Variants in PLXND1 observed in about 807,000 individuals in gnomAD.
The protein encoded by PLXND1 is plexin-D1.
A neutral mutation model predicts 197.7 loss-of-function variants in PLXND1; 54 were observed. The ratio of observed to expected loss-of-function variants is 0.27; its 90% CI spans 0.22 to 0.34. The LOEUF (loss-of-function observed/expected upper bound fraction) is 0.34, where lower values mean the gene tolerates loss of function less well. Ranked by LOEUF, PLXND1 falls within the 10% of genes least tolerant of loss-of-function variation. PLXND1 has a pLI of 1.00. For synonymous variants in PLXND1, 1,180 were observed against 1,161.2 expected (o/e 1.02, Z -0.33); for missense variants, 2,127 against 2,699.2 (o/e 0.79, Z 4.70).
intron 1 of PLXND1, among the ~76,000 whole-genome samples, 153 bp from the exon 2 acceptor site, chr3:129,589,680 A>G (rs1463256245): frequency 1.3e-5 from 2 of 151,988 alleles, no homozygotes; most frequent in African/African-American, 4.8e-5. Flanking sequence ...CCAAACACAA[A>G]CGGGACCCCA....
intron 1 of PLXND1, among the ~76,000 whole-genome samples, chr3:129,589,909 A>G (rs1042524404): frequency 3.3e-5 from 5 of 152,182 alleles, no homozygotes; most frequent in African/African-American, 1.2e-4. Flanking sequence ...AGTCCACACC[A>G]GATGACCGGA....
intron 1 of PLXND1, among the ~76,000 whole-genome samples, chr3:129,603,679 G>A (rs183261597): frequency 4.6e-5 from 7 of 152,288 alleles, no homozygotes; most frequent in African/African-American, 1.2e-4. Flanking sequence ...GTGGGCAGTC[G>A]TGGGAGACCG....
At chr3:129,595,518 A>G (rs539594017) in intron 1 of PLXND1, among the ~76,000 whole-genome samples, 2 of 152,346 alleles carry the variant, frequency 1.3e-5, no homozygotes, top group Admixed American at 1.3e-4. Flanking sequence ...GCCTGGCCTT[A>G]GCCACAGAGG....
At chr3:129,568,543 GTTTCT>G (rs1187160228) in intron 20 of PLXND1, among the ~76,000 whole-genome samples, 1 of 151,974 alleles carries the variant, frequency 6.6e-6, no homozygotes, top group African/African-American at 2.4e-5. Context: ...TACTTCAATG[GTTTCT>G]TTTCTTTCTT....
Position 129,578,368 on chromosome 3 carries a change from C to A in PLXND1, c.2307G>T (p.Gln769His). 1 of 1,607,614 alleles carries A rather than the reference C, an allele frequency of 6.2e-7. No homozygotes were observed. Among genetic ancestry groups the A allele is most frequent in the Non-Finnish European group, 8.5e-7 (1 of 1,177,686 alleles). Residue 769 changes from glutamine to histidine, a missense_variant, in exon 9 of 36, where the codon CAG (glutamine) becomes CAT (histidine). Physicochemically the swap from Gln to His is conservative, Grantham distance 24. Coordinates refer to ENST00000324093, the MANE Select transcript of PLXND1 (RefSeq NM_015103.3). Reference sequence around the variant, plus strand: ...TGTTGGCCAGAGGCACCAGGATGTTCTGGGAGCCACCCGTAGGCACGGGTG... The same window carrying A: ...TGTTGGCCAGAGGCACCAGGATGTTATGGGAGCCACCCGTAGGCACGGGTG... ...PLAPVPTGGS[Q>H]NILVPLANTA...
chr3:129,565,905 T>C lies in PLXND1; in HGVS notation c.4304A>G (p.Asp1435Gly), dbSNP rs2085132948. 6.2e-7 allele frequency: 1 copy of C among 1,614,130 alleles called. No individual in the cohort carries two copies. Among genetic ancestry groups the C allele is most frequent in the Non-Finnish European group, 8.5e-7 (1 of 1,180,010 alleles). The change falls in exon 24 of 36, where the codon GAC (aspartate) becomes GGC (glycine). Residue 1435 changes from aspartate (D) to glycine (G), a missense_variant. Transcript: ENST00000324093. ...GCCTGACCTGTCGCGCACCGCAAAG[T>C]CCTTCTGCTGCTCCAGCGCGTGGAC... ...VFVHALEQQK[D>G]FAVRDRCSLA...
Position 129,583,650 on chromosome 3 carries a change from C to T in PLXND1, c.2158G>A (p.Ala720Thr). 1 of 1,613,024 alleles carries T rather than the reference C, an allele frequency of 6.2e-7. No homozygotes were observed. Among genetic ancestry groups the T allele is most frequent in the Middle Eastern group, 1.7e-4 (1 of 5,940 alleles). Residue 720 changes from alanine (A) to threonine (T), a missense_variant, in exon 8 of 36, where the codon GCA becomes ACA. Coordinates refer to ENST00000324093, the MANE Select transcript of PLXND1 (RefSeq NM_015103.3). ...PHTACTSCLS[A>T]QWPCFWCSQQ... Reference sequence around the variant, plus strand: ...CTGCACCAGAAACAGGGCCACTGTGCCGACAGGCAGCTGGTACAGCTGGAA... The same window carrying T: ...CTGCACCAGAAACAGGGCCACTGTGTCGACAGGCAGCTGGTACAGCTGGAA...
intron 24 of PLXND1, 149 bp downstream of exon 24, chr3:129,565,738 G>A (rs557427466): frequency 7.5e-6 from 7 of 933,304 alleles, no homozygotes; most frequent in South Asian, 3.3e-5. Flanking sequence ...ATCGTGCCCC[G>A]TGAGCCAAGG....
chr3:129,571,800 A>G lies in PLXND1; in HGVS notation c.3122T>C (p.Leu1041Pro), dbSNP rs1249513462. The change falls in exon 16 of 36, where the codon CTG (leucine) becomes CCG (proline). Residue 1041 changes from leucine (L) to proline (P), a missense_variant. Leu to Pro is a moderately conservative substitution (Grantham distance 98, BLOSUM62 -3). Coordinates refer to ENST00000324093, the MANE Select transcript of PLXND1 (RefSeq NM_015103.3). The stretch of plus-strand genomic sequence containing the variant: ...CACACACACAGGCACCGGAGCCGGC[A>G]GGGCCCCCTCAGGCATGGTGCAGGC... ...SIACTMPEGALPAPVPVCVRF... is the reference protein window; with the variant it reads ...SIACTMPEGAPPAPVPVCVRF... The G allele has an allele frequency of 4.3e-6, 7 of 1,613,176 alleles. No individual in the cohort carries two copies. Among genetic ancestry groups the G allele is most frequent in the Non-Finnish European group, 5.9e-6 (7 of 1,179,860 alleles).
At position 129,556,255 on chromosome 3, in the gene PLXND1, G is replaced by T; in HGVS notation, c.*57C>A. 8.8e-7 allele frequency: 1 copy of T among 1,136,172 alleles called. No homozygotes were observed. The highest frequency in any genetic ancestry group is 1.3e-5 in the South Asian group (1 of 79,306). The allele number at this position is 1,136,172 out of a possible 1,614,324, so 70.4% of individuals were successfully genotyped here. A position where few individuals can be genotyped will look rare whatever the true frequency, so the allele number is the denominator to read the frequency against. On this transcript the variant is annotated 3_prime_UTR_variant, in exon 36 of 36. Transcript: ENST00000324093. Reference sequence around the variant, plus strand: ...CAGGCACGGGGTAGAAGATCAAGTTGAGGCCCAGTGGGCGTCCATTTCTCC... The same window carrying T: ...CAGGCACGGGGTAGAAGATCAAGTTTAGGCCCAGTGGGCGTCCATTTCTCC...
At chr3:129,570,143 A>G (rs1030972426) in intron 19 of PLXND1, among the ~76,000 whole-genome samples, 186 bp from the exon 20 acceptor site, 11 of 152,168 alleles carry the variant, frequency 7.2e-5, no homozygotes, top group Non-Finnish European at 1.5e-4. Flanking sequence ...AGGGCTTGTC[A>G]AGCCCTTGGT....
intron 2 of PLXND1, 44 bp downstream of exon 2, chr3:129,589,307 G>GCCGGGGGGGCCCCCCCCCCCCCCC: frequency 1.5e-6 from 1 of 684,692 alleles, no homozygotes; most frequent in Non-Finnish European, 2.6e-6. Context: ...TCCCAGGGGA[G>GCCGGGGGGGCCCCCCCCCCCCCCC]CCTCCCACCC....
At position 129,567,809 on chromosome 3, in the gene PLXND1, C is replaced by A. The variant is rs201279877; in HGVS notation, c.3866-4G>T. The A allele has an allele frequency of 1.3e-6, 2 of 1,588,500 alleles. No homozygotes were observed. The highest frequency in any genetic ancestry group is 1.7e-6 in the Non-Finnish European group (2 of 1,158,526). ...TTGGTACAGAAGACGAACAGGGCTG[C>A]GGGCAGTGGAGAGGCAGGTCAGGCC... On this transcript the variant is annotated splice_polypyrimidine_tract_variant and splice_region_variant and intron_variant, in intron 20 of 35. Coordinates refer to ENST00000324093, the MANE Select transcript of PLXND1 (RefSeq NM_015103.3).
At chr3:129,578,670 G>T in intron 8 of PLXND1, 1 of 519,484 alleles carries the variant, frequency 1.9e-6, no homozygotes, top group Non-Finnish European at 3.4e-6. Flanking sequence ...ACAGGCAGAT[G>T]GCATAACCCG....
At position 129,558,377 on chromosome 3, in the gene PLXND1, C is replaced by T. The variant is rs762066824; in HGVS notation, c.5445+51G>A. On this transcript the variant is annotated intron_variant, in intron 33 of 35. Transcript: ENST00000324093. This position sits in a 1 kb window ranked among gnomAD's most constrained non-coding sequence, Gnocchi z 4.1. ...TCGAGGAGGCTACCCATGGTCGGCACCCCACTCTGGCCCTGTGCATGGGCC... is the reference window on the plus strand; with the variant it reads ...TCGAGGAGGCTACCCATGGTCGGCATCCCACTCTGGCCCTGTGCATGGGCC... The T allele has an allele frequency of 3.2e-6, 5 of 1,568,728 alleles. No homozygotes were observed. The highest frequency in any genetic ancestry group is 3.5e-5 in the Admixed American group (2 of 57,590).
chr3:129,565,863 C>A, intron 24 of PLXND1, 24 bp downstream of exon 24: 2 of 1,612,090 alleles, frequency 1.2e-6, no homozygotes, highest in Middle Eastern at 1.7e-4. Flanking sequence ...TTCCCTACCC[C>A]ACCCCAGTCT....
rs368484712 is a variant in PLXND1, at chr3:129,575,452, C to G, written c.2530+17G>C. On this transcript the variant is annotated intron_variant, in intron 11 of 35. Coordinates refer to ENST00000324093, the MANE Select transcript of PLXND1 (RefSeq NM_015103.3). ...ACTGAGGCCCCGAGGCCATGTGGGGCGGGTGGGGGTGCCCACCTGTCATGG... is the reference window on the plus strand; with the variant it reads ...ACTGAGGCCCCGAGGCCATGTGGGGGGGGTGGGGGTGCCCACCTGTCATGG... 1 of 1,505,720 alleles carries G rather than the reference C, an allele frequency of 6.6e-7. No individual in the cohort carries two copies. Among genetic ancestry groups the G allele is most frequent in the East Asian group, 2.5e-5 (1 of 40,686 alleles). The allele number at this position is 1,505,720 out of a possible 1,614,324, so 93.3% of individuals were successfully genotyped here.
chr3:129,589,312 C>CCCCCCCCCCCCCCCCCCCA, intron 2 of PLXND1, 39 bp downstream of exon 2: 2 of 481,102 alleles, frequency 4.2e-6, no homozygotes, highest in East Asian at 5.4e-5. Flanking sequence ...GGGGAGCCTC[C>CCCCCCCCCCCCCCCCCCCA]CACCCCCACC....
intron 26 of PLXND1, 22 bp downstream of exon 26, chr3:129,563,072 C>A (rs1210351459): frequency 7.4e-6 from 12 of 1,612,928 alleles, no homozygotes; most frequent in Admixed American, 6.7e-5. Flanking sequence ...GCCCTGGGAC[C>A]CTCCCCGCCC....
Sources: gnomAD v4.1 joint callset for allele counts (sites outside exome capture counted in the v4.1 genomes callset) on GRCh38, gnomAD v4.1.1 for gene constraint, Gnocchi (gnomAD v3.1) non-coding constraint, MANE v1.5 for transcripts, NCBI Gene and HGNC (gene_info 2026-07-23, HGNC 2026-07-21) for gene names.